TRAPPC9: variants seen among roughly 807,000 people sequenced by gnomAD.
The protein encoded by TRAPPC9 is IKK2 binding protein.
TRAPPC9 carries 83 observed loss-of-function variants against 124.0 expected under a neutral mutation model. The ratio of observed to expected loss-of-function variants is 0.67; its 90% confidence interval spans 0.56 to 0.80. The LOEUF (loss-of-function observed/expected upper bound fraction) is 0.80. Among genes scored for constraint, TRAPPC9 ranks in the 30% least tolerant of loss-of-function variants. The probability of loss-of-function intolerance (pLI) is 0.00; values close to 1 mark genes in which losing one functional copy is unlikely to be tolerated. For synonymous variants in TRAPPC9, 638 were observed against 617.5 expected (o/e 1.03, Z -0.49); for missense variants, 1,302 against 1,508.3 (o/e 0.86, Z 2.27).
chr8:140,205,936 T>A (rs543105425), intron 17 of TRAPPC9, among the ~76,000 whole-genome samples: 9 of 152,330 alleles, frequency 5.9e-5, no homozygotes, highest in African/African-American at 1.7e-4. Flanking sequence ...TCATCCTCAG[T>A]CTTATTTCCA....
rs889500498 is a variant in TRAPPC9 at position 140,424,161 on chromosome 8, T to TA, written c.886+2453dup. Among the ~76,000 whole-genome samples the TA allele has an allele frequency of 3.2e-4, 49 of 151,506 alleles. 1 individual carries two copies. In the East Asian group the frequency reaches 4.2e-3, roughly 13 times the overall value. ...TTGTTTGTTTGTTTGTTTGTTTTTT[T>TA]AAAAAAAAGCACCTTAGAACAGTGT... On this transcript the variant is annotated intron_variant, in intron 5 of 22. Coordinates refer to ENST00000438773, the MANE Select transcript of TRAPPC9 (RefSeq NM_001160372.4).
In TRAPPC9 at chr8:140,240,127, T is replaced by G. The variant is rs561309985; in HGVS notation, c.2431+12650A>C. 1.2e-4 allele frequency among the ~76,000 whole-genome samples: 19 copies of G among 152,178 alleles called. No individual in the cohort carries two copies. The South Asian group carries it at 3.3e-3, about 27-fold the overall frequency. On this transcript the variant is annotated intron_variant, in intron 16 of 22. Transcript: ENST00000438773. ...AAGCCAAATATAATGAAATGCCAAA[T>G]AGACATGTTTTTTTTTCACCCTAGT... is the stretch of plus-strand genomic sequence containing the variant.
chr8:140,052,360 G>A (rs942039976), intron 17 of TRAPPC9, among the ~76,000 whole-genome samples: 1 of 152,186 alleles, frequency 6.6e-6, no homozygotes, highest in Non-Finnish European at 1.5e-5. Flanking sequence ...GTAATGGCCG[G>A]GCATGAGGGC....
At chr8:139,881,101 C>G (rs1404953165) in intron 21 of TRAPPC9, 1 of 152,248 alleles carries the variant, frequency 6.6e-6, no homozygotes, top group African/African-American at 2.4e-5. Context: ...ACAGAAAAAG[C>G]AAGCCTGGGG....
intron 19 of TRAPPC9, among the ~76,000 whole-genome samples, chr8:139,924,861 G>T (rs1191429095): frequency 1.3e-5 from 2 of 152,200 alleles, no homozygotes; most frequent in African/African-American, 4.8e-5. Flanking sequence ...GAACTCAAGG[G>T]CTCATTACAT....
intron 21 of TRAPPC9, among the ~76,000 whole-genome samples, chr8:139,765,467 A>G (rs980919779): frequency 4.6e-5 from 7 of 152,218 alleles, no homozygotes; most frequent in African/African-American, 1.7e-4. Flanking sequence ...TTAGTAGCCA[A>G]TATCTTAAAG....
upstream of TRAPPC9, chr8:140,458,399 C>G: frequency 6.3e-7 from 1 of 1,597,734 alleles, no homozygotes; most frequent in Non-Finnish European, 8.5e-7. Context: ...CGGTACCCCC[C>G]GTGACTCCCA....
chr8:140,362,102 A>G (rs532931873), intron 8 of TRAPPC9, among the ~76,000 whole-genome samples: 1 of 152,310 alleles, frequency 6.6e-6, no homozygotes, highest in South Asian at 2.1e-4. Flanking sequence ...TCTGGCAGGT[A>G]CCATAAGGCA....
At chr8:139,979,128 G>C (rs1836706053) in intron 19 of TRAPPC9, among the ~76,000 whole-genome samples, 1 of 151,988 alleles carries the variant, frequency 6.6e-6, no homozygotes, top group Non-Finnish European at 1.5e-5. Context: ...AGCACCACAA[G>C]AGAATTAACC....
At chr8:140,300,947 C>T (rs562539280) in intron 10 of TRAPPC9, among the ~76,000 whole-genome samples, 26 of 152,330 alleles carry the variant, frequency 1.7e-4, no homozygotes, top group Admixed American at 7.2e-4. Context: ...CCTTTGGGCA[C>T]GTGCCTTGCC....
intron 10 of TRAPPC9, among the ~76,000 whole-genome samples, chr8:140,308,842 C>G (rs563648179): frequency 6.6e-6 from 1 of 151,844 alleles, no homozygotes; most frequent in South Asian, 2.1e-4. Context: ...CATCGTACCA[C>G]TGCACTCCAG....
At chr8:140,060,048 AG>A (rs931590022) in intron 17 of TRAPPC9, among the ~76,000 whole-genome samples, 1 of 152,158 alleles carries the variant, frequency 6.6e-6, no homozygotes, top group Non-Finnish European at 1.5e-5. Flanking sequence ...GTGAGTTTTC[AG>A]TTGACAAATG....
At chr8:140,377,377 C>T (rs925458400) in intron 7 of TRAPPC9, among the ~76,000 whole-genome samples, 1 of 152,144 alleles carries the variant, frequency 6.6e-6, no homozygotes, top group African/African-American at 2.4e-5. Flanking sequence ...CGGCTTACTG[C>T]AACCTCTGCC....
chr8:140,292,292 C>T (rs2065681417), intron 11 of TRAPPC9, among the ~76,000 whole-genome samples: 1 of 152,128 alleles, frequency 6.6e-6, no homozygotes, highest in Admixed American at 6.5e-5. Flanking sequence ...TGATAACCCC[C>T]GTCACTGCAA....
chr8:139,762,954 C>T (rs1180739939), intron 21 of TRAPPC9, among the ~76,000 whole-genome samples: 1 of 152,178 alleles, frequency 6.6e-6, no homozygotes, highest in Non-Finnish European at 1.5e-5. Flanking sequence ...ATGCCCTGCA[C>T]CGGGTCTGAG....
At chr8:140,198,011 C>T (rs116381033) in intron 17 of TRAPPC9, among the ~76,000 whole-genome samples, 162 of 152,330 alleles carry the variant, frequency 1.1e-3, no homozygotes, top group African/African-American at 3.7e-3. Context: ...TCAGCTTAAG[C>T]AACACCCATT....
intron 19 of TRAPPC9, among the ~76,000 whole-genome samples, chr8:139,978,888 G>A (rs528904939): frequency 2.6e-5 from 3 of 116,658 alleles, no homozygotes; most frequent in African/African-American, 5.8e-5. Flanking sequence ...TCTCTGCTCC[G>A]TCCAGAGCAC....
intron 21 of TRAPPC9, among the ~76,000 whole-genome samples, chr8:139,834,863 C>T (rs777101442): frequency 2.0e-5 from 3 of 152,168 alleles, no homozygotes; most frequent in African/African-American, 4.8e-5. Context: ...GCCCCAGTAG[C>T]GGGGCTGTTG....
At chr8:140,265,499 C>T (rs1358011339) in intron 15 of TRAPPC9, among the ~76,000 whole-genome samples, 3 of 152,140 alleles carry the variant, frequency 2.0e-5, no homozygotes, top group Non-Finnish European at 2.9e-5. Context: ...CTTGGTCGTC[C>T]GATTTAATAT....
Sources: gnomAD v4.1 joint callset for allele counts (sites outside exome capture counted in the v4.1 genomes callset) on GRCh38, gnomAD v4.1.1 for gene constraint, MANE v1.5 for transcripts, NCBI Gene and HGNC (gene_info 2026-07-23, HGNC 2026-07-21) for gene names.